The following MS4A4E variants were observed in gnomAD, a reference collection of about 807,000 sequenced individuals.
The protein encoded by MS4A4E is membrane spanning 4-domains A4E, also known as putative membrane-spanning 4-domains subfamily A member 4E.
In MS4A4E, 23 loss-of-function variants were observed where a neutral mutation model predicts 13.3. That is an observed-to-expected ratio of 1.73 (90% confidence interval 1.25 to 2.45). The LOEUF (loss-of-function observed/expected upper bound fraction) is 2.45. MS4A4E is among the 30% of genes most tolerant of loss of function. The pLI is 0.00. For synonymous variants in MS4A4E, 36 were observed against 45.6 expected (o/e 0.79, Z 0.85); for missense variants, 144 against 131.2 (o/e 1.10, Z -0.48).
At chr11:60,237,884 A>T (rs1382409579) in intron 1 of MS4A4E, among the ~76,000 whole-genome samples, 1 of 152,010 alleles carries the variant, frequency 6.6e-6, no homozygotes, top group African/African-American at 2.4e-5. Flanking sequence ...GAGTATTTTT[A>T]TCATAAAAAG....
intron 3 of MS4A4E, among the ~76,000 whole-genome samples, chr11:60,217,763 G>C (rs947436115): frequency 6.6e-6 from 1 of 152,060 alleles, no homozygotes; most frequent in Non-Finnish European, 1.5e-5. Flanking sequence ...TCCTATGCCC[G>C]TCTTTACTTT....
intron 3 of MS4A4E, among the ~76,000 whole-genome samples, chr11:60,224,568 A>C (rs545467463): frequency 2.6e-5 from 4 of 152,234 alleles, no homozygotes; most frequent in Admixed American, 6.5e-5. Context: ...TTTATCAAAA[A>C]TGAGATGTGT....
At chr11:60,206,501 G>GTATA (rs1163401845) in intron 6 of MS4A4E, among the ~76,000 whole-genome samples, 12 of 80,760 alleles carry the variant, frequency 1.5e-4, no homozygotes, top group Non-Finnish European at 2.2e-4. Context: ...ATATATATAC[G>GTATA]TATATATATA....
chr11:60,238,430 A>G (rs546981329), intron 1 of MS4A4E, among the ~76,000 whole-genome samples: 2 of 152,026 alleles, frequency 1.3e-5, no homozygotes, highest in African/African-American at 4.8e-5. Context: ...AAATTTGACC[A>G]TTTCATATGT....
At position 60,215,271 on chromosome 11, in the gene MS4A4E, C is replaced by A. The variant is rs184411676; in HGVS notation, c.179-657G>T. Among the ~76,000 whole-genome samples the A allele has an allele frequency of 1.3e-3, 203 of 151,732 alleles. 1 individual carries two copies. The highest frequency in any genetic ancestry group is 4.8e-3 in the African/African-American group (197 of 41,464). ...TAAACTTCTTTAGTTTCCAAATACCCAGACATAGAGATGATTCATGTTATC... is the reference window on the plus strand; with the variant it reads ...TAAACTTCTTTAGTTTCCAAATACCAAGACATAGAGATGATTCATGTTATC... On this transcript the variant is annotated intron_variant, in intron 3 of 8. Transcript: ENST00000651255.
intron 5 of MS4A4E, among the ~76,000 whole-genome samples, chr11:60,212,599 G>A (rs1045714799): frequency 2.6e-5 from 4 of 152,172 alleles, no homozygotes; most frequent in Admixed American, 1.3e-4. Flanking sequence ...GTGAGCCACC[G>A]TGTCCGGCTG....
At chr11:60,206,595 T>C in intron 6 of MS4A4E, 1 of 163,770 alleles carries the variant, frequency 6.1e-6, no homozygotes. Context: ...AGTTGGATTC[T>C]GGTACTTTCT....
chr11:60,237,878 A>AT (rs1383930943), intron 1 of MS4A4E, among the ~76,000 whole-genome samples: 1 of 152,034 alleles, frequency 6.6e-6, no homozygotes, highest in Non-Finnish European at 1.5e-5. Context: ...TTGGATGAGT[A>AT]TTTTTATCAT....
At chr11:60,211,252 T>C (rs2084117930) in intron 5 of MS4A4E, among the ~76,000 whole-genome samples, 1 of 152,240 alleles carries the variant, frequency 6.6e-6, no homozygotes, top group African/African-American at 2.4e-5. Context: ...TTGGGAAAAT[T>C]TGTCAAATTC....
rs2083974220 is a variant in MS4A4E, at chr11:60,200,632, C to G, written c.*911G>C. On this transcript the variant is annotated 3_prime_UTR_variant, in exon 9 of 9. Transcript: ENST00000651255. ...GTAAGGTCACAGATCAACAGGATCC[C>G]AAGGCAGAAGAATTTTTCTTAGTAC... is the stretch of plus-strand genomic sequence containing the variant. Among the ~76,000 whole-genome samples, 1 of 152,108 alleles carries G rather than the reference C, an allele frequency of 6.6e-6. No individual in the cohort carries two copies. The highest frequency in any genetic ancestry group is 6.5e-5 in the Admixed American group (1 of 15,282).
At chr11:60,225,262 T>TA (rs1394454231) in intron 3 of MS4A4E, among the ~76,000 whole-genome samples, 1 of 152,208 alleles carries the variant, frequency 6.6e-6, no homozygotes, top group African/African-American at 2.4e-5. Context: ...AATATTATCT[T>TA]ACCAATATTA....
intron 5 of MS4A4E, among the ~76,000 whole-genome samples, chr11:60,210,507 T>C (rs2084107115): frequency 6.6e-6 from 1 of 152,254 alleles, no homozygotes; most frequent in Admixed American, 6.5e-5. Flanking sequence ...AGGTTAAGTA[T>C]AGTTGATCAT....
In MS4A4E at chr11:60,200,476, G is replaced by C. The variant is rs1005402930; in HGVS notation, c.*1067C>G. ...TTGTGTCCCTGGGTACTTGAGATTAGGGAGTGGTGATGACTCTTAACGAGC... is the reference window on the plus strand; with the variant it reads ...TTGTGTCCCTGGGTACTTGAGATTACGGAGTGGTGATGACTCTTAACGAGC... On this transcript the variant is annotated 3_prime_UTR_variant, in exon 9 of 9. Transcript: ENST00000651255. Among the ~76,000 whole-genome samples the C allele has an allele frequency of 6.6e-6, 1 of 152,064 alleles. No homozygotes were observed. The highest frequency in any genetic ancestry group is 1.5e-5 in the Non-Finnish European group (1 of 68,014).
intron 1 of MS4A4E, among the ~76,000 whole-genome samples, chr11:60,239,912 C>T (rs951371177): frequency 6.6e-6 from 1 of 152,192 alleles, no homozygotes; most frequent in Admixed American, 6.5e-5. Flanking sequence ...AGAGAATTGT[C>T]CCCCTCTGGG....
chr11:60,202,194 A>T (rs2083997402), intron 8 of MS4A4E, among the ~76,000 whole-genome samples: 1 of 152,218 alleles, frequency 6.6e-6, no homozygotes, highest in South Asian at 2.1e-4. Flanking sequence ...TTATTAATAC[A>T]AGTTGAGATG....
At chr11:60,214,330 A>G (rs1266916083) in intron 4 of MS4A4E, among the ~76,000 whole-genome samples, 1 of 152,122 alleles carries the variant, frequency 6.6e-6, no homozygotes, top group African/African-American at 2.4e-5. Flanking sequence ...ATTTGTTCTA[A>G]ATAATTTTCC....
At chr11:60,218,855 G>A (rs899666329) in intron 3 of MS4A4E, among the ~76,000 whole-genome samples, 3 of 152,230 alleles carry the variant, frequency 2.0e-5, no homozygotes, top group Non-Finnish European at 4.4e-5. Context: ...TATTAAGGGT[G>A]TGGGATAATG....
intron 3 of MS4A4E, among the ~76,000 whole-genome samples, chr11:60,221,596 G>C (rs1289358760): frequency 6.6e-6 from 1 of 152,226 alleles, no homozygotes; most frequent in African/African-American, 2.4e-5. Flanking sequence ...AATCGTCCCA[G>C]TGGGCAGAAT....
chr11:60,222,602 G>A (rs572429843), intron 3 of MS4A4E, among the ~76,000 whole-genome samples: 3 of 152,290 alleles, frequency 2.0e-5, no homozygotes, highest in Admixed American at 2.0e-4. Context: ...ATAAGTGGAA[G>A]TGGCACCACT....
Sources: allele counts gnomAD v4.1 joint callset (sites outside exome capture counted in the v4.1 genomes callset), GRCh38; gene constraint gnomAD v4.1.1; transcripts MANE v1.5; gene names NCBI Gene and HGNC (gene_info 2026-07-23, HGNC 2026-07-21).